Variants in NBEA observed in about 807,000 individuals in gnomAD.
NBEA encodes lysosomal-trafficking regulator 2.
Under a neutral mutation model 343.4 loss-of-function variants are expected in NBEA, and 44 were observed. That is an observed-to-expected ratio of 0.13 (90% confidence interval 0.10 to 0.16). The LOEUF is 0.16. Among genes scored for constraint, NBEA ranks in the 10% least tolerant of loss-of-function variants. The pLI is 1.00. For synonymous variants in NBEA, 1,175 were observed against 1,238.7 expected, an observed-to-expected ratio of 0.95 and a Z score of 1.08; for missense variants, 2,555 against 3,631.3, an observed-to-expected ratio of 0.70 and a Z score of 7.62.
intron 9 of NBEA, 45 bp downstream of exon 9, chr13:35,070,150 A>C (rs1272389944): frequency 7.1e-7 from 1 of 1,415,634 alleles, no homozygotes; most frequent in East Asian, 2.6e-5. Context: ...TCAGAATTTG[A>C]CAGTATCTTT....
At chr13:35,194,496 G>A (rs960657952) in intron 30 of NBEA, among the ~76,000 whole-genome samples, 6 of 152,040 alleles carry the variant, frequency 3.9e-5, no homozygotes, top group Non-Finnish European at 7.4e-5. Context: ...AAATAATTTA[G>A]TCTGTGCTTC....
Position 35,161,833 on chromosome 13 carries a change from A to G in NBEA, c.3945A>G (p.Glu1315=). Residue 1315 remains glutamate, a synonymous_variant, in exon 23 of 59, where the codon GAA becomes GAG. Transcript: ENST00000379939. ...TTCGAGGAATGCCAATGACTGAGGA[A>G]CAGCGACGCCAGTTTAGCCCAGGTC... is the stretch of plus-strand genomic sequence containing the variant. ...LGFRGMPMTE[E]QRRQFSPGPR... The G allele has an allele frequency of 1.9e-6, 3 of 1,611,874 alleles. No homozygotes were observed. Among genetic ancestry groups the G allele is most frequent in the South Asian group, 1.1e-5 (1 of 90,514 alleles).
At chr13:35,467,816 A>G (rs1160795352) in intron 40 of NBEA, among the ~76,000 whole-genome samples, 3 of 152,208 alleles carry the variant, frequency 2.0e-5, no homozygotes, top group African/African-American at 4.8e-5. Flanking sequence ...GAAAATCCAT[A>G]TAGCTAATAC....
chr13:35,102,861 G>A (rs74051258), intron 11 of NBEA, among the ~76,000 whole-genome samples: 33 of 151,534 alleles, frequency 2.2e-4, no homozygotes, highest in African/African-American at 8.0e-4. Flanking sequence ...TAATTTTAGG[G>A]TTTTTTTCCT....
intron 36 of NBEA, among the ~76,000 whole-genome samples, chr13:35,314,215 T>C (rs1190374671): frequency 6.6e-6 from 1 of 152,094 alleles, no homozygotes; most frequent in Non-Finnish European, 1.5e-5. Context: ...GTATATACTA[T>C]CTTTAGAAAA....
chr13:35,264,176 T>A (rs1465157450), intron 34 of NBEA, among the ~76,000 whole-genome samples: 6 of 149,122 alleles, frequency 4.0e-5, no homozygotes, highest in African/African-American at 1.5e-4. Flanking sequence ...AAAAAAAAAA[T>A]CTAGATACAT....
At chr13:35,040,549 A>G (rs2062612229) in intron 1 of NBEA, among the ~76,000 whole-genome samples, 1 of 151,948 alleles carries the variant, frequency 6.6e-6, no homozygotes, top group South Asian at 2.1e-4. Flanking sequence ...AGTAATGTCA[A>G]AAAAAATGAA....
chr13:35,102,210 T>C (rs576592497), intron 11 of NBEA, among the ~76,000 whole-genome samples: 1 of 152,012 alleles, frequency 6.6e-6, no homozygotes, highest in East Asian at 1.9e-4. Context: ...TTTGAAAAGA[T>C]GATTTCCCAC....
intron 3 of NBEA, 47 bp downstream of exon 3, chr13:35,045,094 AC>A (rs2062800692): frequency 6.7e-6 from 10 of 1,495,242 alleles, no homozygotes; most frequent in Non-Finnish European, 9.2e-6. Flanking sequence ...GTCCATTAAT[AC>A]TTAATGTTCA....
chr13:35,212,593 A>G (rs1192725143), intron 33 of NBEA, among the ~76,000 whole-genome samples: 2 of 152,104 alleles, frequency 1.3e-5, no homozygotes, highest in Non-Finnish European at 2.9e-5. Flanking sequence ...GTTCAGTTTT[A>G]CTAGATAATG....
intron 10 of NBEA, among the ~76,000 whole-genome samples, chr13:35,091,089 T>C (rs1403761472): frequency 6.6e-6 from 1 of 152,002 alleles, no homozygotes; most frequent in East Asian, 1.9e-4. Context: ...CCAGCCCTCA[T>C]GTGGTCTTAT....
At chr13:35,226,967 A>T (rs2074688571) in intron 33 of NBEA, among the ~76,000 whole-genome samples, 2 of 152,106 alleles carry the variant, frequency 1.3e-5, no homozygotes, top group African/African-American at 4.8e-5. Flanking sequence ...TAAAGCAGTA[A>T]ACTTTTTACT....
intron 1 of NBEA, among the ~76,000 whole-genome samples, chr13:34,982,400 A>G (rs369509176): frequency 1.3e-5 from 2 of 152,038 alleles, no homozygotes; most frequent in African/African-American, 2.4e-5. Flanking sequence ...CCTGGGTTCA[A>G]TTGAATCTCC....
chr13:35,588,408 A>G (rs897504343), intron 46 of NBEA, among the ~76,000 whole-genome samples: 1 of 151,756 alleles, frequency 6.6e-6, no homozygotes, highest in African/African-American at 2.4e-5. Flanking sequence ...GTTCACAAAA[A>G]TAAAATACAC....
chr13:35,368,988 G>T (rs576186037), intron 38 of NBEA, among the ~76,000 whole-genome samples: 33 of 151,668 alleles, frequency 2.2e-4, no homozygotes, highest in South Asian at 2.1e-3. Context: ...AACCATCTAA[G>T]GCACACATCA....
intron 36 of NBEA, among the ~76,000 whole-genome samples, chr13:35,336,522 G>A (rs1044084482): frequency 9.2e-5 from 14 of 151,908 alleles, no homozygotes; most frequent in Non-Finnish European, 2.1e-4. Flanking sequence ...CCCATTACTG[G>A]GTATATACCC....
chr13:35,651,747 G>A, intron 52 of NBEA, 58 bp from the exon 53 acceptor site: 1 of 1,033,532 alleles, frequency 9.7e-7, no homozygotes, highest in Non-Finnish European at 1.5e-6. Flanking sequence ...TACCCATTAG[G>A]AAATCCCTTC....
intron 10 of NBEA, among the ~76,000 whole-genome samples, chr13:35,088,078 A>G (rs910300832): frequency 4.0e-5 from 6 of 151,886 alleles, no homozygotes; most frequent in African/African-American, 7.2e-5. Context: ...ATCACCTACC[A>G]TAGTTAGTGT....
At chr13:35,280,316 T>A (rs2034966173) in intron 34 of NBEA, among the ~76,000 whole-genome samples, 1 of 152,120 alleles carries the variant, frequency 6.6e-6, no homozygotes, top group Non-Finnish European at 1.5e-5. Context: ...CTCTACATCC[T>A]CTCATGAGTA....
Sources: gnomAD v4.1 joint callset for allele counts (sites outside exome capture counted in the v4.1 genomes callset) on GRCh38, gnomAD v4.1.1 for gene constraint, MANE v1.5 for transcripts, NCBI Gene and HGNC (gene_info 2026-07-23, HGNC 2026-07-21) for gene names.